The following ZSWIM5 variants were observed in gnomAD, a reference collection of about 807,000 sequenced individuals.
The protein encoded by ZSWIM5 is zinc finger SWIM domain-containing protein 5.
Under a neutral mutation model 119.6 loss-of-function variants are expected in ZSWIM5, and 55 were observed. That is an observed-to-expected ratio of 0.46 (90% CI 0.37 to 0.58). The LOEUF (loss-of-function observed/expected upper bound fraction) is 0.58. Among genes scored for constraint, ZSWIM5 ranks in the 20% least tolerant of loss-of-function variants. ZSWIM5 has a pLI of 0.00. For synonymous variants in ZSWIM5, 537 were observed against 606.9 expected, an observed-to-expected ratio of 0.88 and a Z score of 1.69; for missense variants, 1,193 against 1,512.8, an observed-to-expected ratio of 0.79 and a Z score of 3.51.
chr1:45,150,412 G>A (rs1254669827), intron 1 of ZSWIM5, among the ~76,000 whole-genome samples: 1 of 152,096 alleles, frequency 6.6e-6, no homozygotes, highest in African/African-American at 2.4e-5. Context: ...AATGGTGCAG[G>A]TGCTGTGGAA....
At chr1:45,202,008 G>A (rs1465808937) in intron 1 of ZSWIM5, among the ~76,000 whole-genome samples, 1 of 151,910 alleles carries the variant, frequency 6.6e-6, no homozygotes, top group African/African-American at 2.4e-5. Flanking sequence ...GATGTGTTAG[G>A]GTGGAGGGAG....
intron 1 of ZSWIM5, among the ~76,000 whole-genome samples, chr1:45,182,722 A>T (rs1204343423): frequency 6.6e-6 from 1 of 152,018 alleles, no homozygotes; most frequent in African/African-American, 2.4e-5. Context: ...ATATGCACCC[A>T]ATACAGGAGC....
At chr1:45,157,421 C>G (rs746599823) in intron 1 of ZSWIM5, among the ~76,000 whole-genome samples, 1 of 152,120 alleles carries the variant, frequency 6.6e-6, no homozygotes, top group Non-Finnish European at 1.5e-5. Context: ...GTGATCCTCC[C>G]ACCTTGGCCT....
chr1:45,168,813 C>G (rs959325603), intron 1 of ZSWIM5, among the ~76,000 whole-genome samples: 2 of 151,790 alleles, frequency 1.3e-5, no homozygotes, highest in Non-Finnish European at 2.9e-5. Flanking sequence ...TGTGGCAACA[C>G]TGGGCCCAAA....
At chr1:45,132,346 T>G (rs529700582) in intron 1 of ZSWIM5, among the ~76,000 whole-genome samples, 13 of 152,232 alleles carry the variant, frequency 8.5e-5, no homozygotes, top group African/African-American at 3.1e-4. Flanking sequence ...CTATTTTATC[T>G]CTGAAGTCCC....
intron 1 of ZSWIM5, among the ~76,000 whole-genome samples, chr1:45,145,641 T>C (rs1645755618): frequency 6.6e-6 from 1 of 152,042 alleles, no homozygotes; most frequent in Non-Finnish European, 1.5e-5. Context: ...GGAGAACAGA[T>C]CAGTGGCTGC....
intron 1 of ZSWIM5, among the ~76,000 whole-genome samples, chr1:45,124,118 C>T (rs557699735): frequency 2.6e-5 from 4 of 151,870 alleles, no homozygotes; most frequent in African/African-American, 7.2e-5. Flanking sequence ...AGGAAGTTTC[C>T]CAAACAGAGG....
intron 1 of ZSWIM5, among the ~76,000 whole-genome samples, chr1:45,151,674 G>C (rs575574340): frequency 6.6e-6 from 1 of 152,060 alleles, no homozygotes; most frequent in Admixed American, 6.6e-5. Flanking sequence ...TGAAGGATAA[G>C]CAGGAATTAG....
chr1:45,178,979 A>G (rs982176522), intron 1 of ZSWIM5, among the ~76,000 whole-genome samples: 3 of 152,150 alleles, frequency 2.0e-5, no homozygotes, highest in African/African-American at 7.2e-5. Context: ...CAAGATCAAC[A>G]TACAAAAATC....
intron 2 of ZSWIM5, among the ~76,000 whole-genome samples, chr1:45,069,219 G>A (rs1645205334): frequency 1.3e-5 from 2 of 152,060 alleles, no homozygotes; most frequent in Non-Finnish European, 1.5e-5. Context: ...AAGGTCAGCA[G>A]ATCGAGACCA....
intron 1 of ZSWIM5, among the ~76,000 whole-genome samples, chr1:45,126,698 T>G (rs1021821422): frequency 6.6e-6 from 1 of 151,662 alleles, no homozygotes; most frequent in Non-Finnish European, 1.5e-5. Flanking sequence ...AGCTCAGGAG[T>G]TCAACACCTA....
chr1:45,024,439 G>A (rs1037016155), intron 11 of ZSWIM5, among the ~76,000 whole-genome samples: 7 of 151,760 alleles, frequency 4.6e-5, no homozygotes, highest in Non-Finnish European at 8.8e-5. Flanking sequence ...TGATCCACCT[G>A]CCTCGACCTC....
intron 1 of ZSWIM5, among the ~76,000 whole-genome samples, chr1:45,166,315 T>A (rs892700042): frequency 1.3e-5 from 2 of 152,092 alleles, no homozygotes; most frequent in African/African-American, 4.8e-5. Context: ...ATGGGATGTA[T>A]CTCAAAATAA....
chr1:45,019,146 G>A lies in ZSWIM5; in HGVS notation c.2866C>T (p.Gln956Ter), dbSNP rs1397702537. The change falls in exon 14 of 14, where the codon CAG (glutamine) becomes TAG (stop). Residue 956 changes from glutamine to a stop codon, truncating the protein, a stop_gained. Transcript: ENST00000359600. LOFTEE classifies it high-confidence loss of function. This position sits in a 1 kb window ranked among gnomAD's most constrained non-coding sequence, Gnocchi z 5.0. The stretch of plus-strand genomic sequence containing the variant: ...CTCTGTGGATCCTTCATAGCACACT[G>A]TAGAGCCAGTGTGCGAGCACAGCTA... Reference protein sequence around the residue: ...LASCARTLALQCAMKDPQSCA... With the variant: ...LASCARTLAL 2.5e-6 allele frequency: 4 copies of A among 1,614,028 alleles called. No homozygotes were observed. Among genetic ancestry groups the A allele is most frequent in the East Asian group, 2.2e-5 (1 of 44,882 alleles).
intron 2 of ZSWIM5, among the ~76,000 whole-genome samples, chr1:45,082,760 A>C (rs1479979649): frequency 6.6e-6 from 1 of 152,212 alleles, no homozygotes; most frequent in Admixed American, 6.5e-5. Context: ...GTGGCAGCCT[A>C]ATTTCAGACA....
At chr1:45,107,102 G>A (rs1025600387) in intron 1 of ZSWIM5, among the ~76,000 whole-genome samples, 1 of 152,134 alleles carries the variant, frequency 6.6e-6, no homozygotes, top group African/African-American at 2.4e-5. Context: ...CTCTGCCTAG[G>A]AAAACCAGAG....
At chr1:45,184,575 A>T (rs1407074884) in intron 1 of ZSWIM5, among the ~76,000 whole-genome samples, 1 of 152,196 alleles carries the variant, frequency 6.6e-6, no homozygotes, top group Non-Finnish European at 1.5e-5. Flanking sequence ...ATCAATGTAC[A>T]AAAATCACAA....
At position 45,017,334 on chromosome 1, in the gene ZSWIM5, C is replaced by T. The variant is rs1644860130; in HGVS notation, c.*1120G>A. On this transcript the variant is annotated 3_prime_UTR_variant, in exon 14 of 14. Coordinates refer to ENST00000359600, the MANE Select transcript of ZSWIM5 (RefSeq NM_020883.2). Reference sequence around the variant, plus strand: ...ACATGGATACAAACATGTTTATACACATGCACTCGTGTACGCAGATACACA... The same window carrying T: ...ACATGGATACAAACATGTTTATACATATGCACTCGTGTACGCAGATACACA... 1 of 152,316 alleles carries T rather than the reference C, an allele frequency of 6.6e-6. No homozygotes were observed. The highest frequency in any genetic ancestry group is 2.1e-4 in the South Asian group (1 of 4,830). 9.4% of individuals were successfully genotyped at this position (152,316 alleles called of 1,614,324 possible). A position where few individuals can be genotyped will look rare whatever the true frequency, so the allele number is the denominator to read the frequency against.
intron 1 of ZSWIM5, among the ~76,000 whole-genome samples, chr1:45,192,309 A>C (rs1646097599): frequency 6.6e-6 from 1 of 152,184 alleles, no homozygotes; most frequent in Non-Finnish European, 1.5e-5. Flanking sequence ...AGCCCCTGAC[A>C]ACCTCTATTC....
Sources: gnomAD v4.1 joint callset for allele counts (sites outside exome capture counted in the v4.1 genomes callset) on GRCh38, gnomAD v4.1.1 for gene constraint, Gnocchi (gnomAD v3.1) non-coding constraint, MANE v1.5 for transcripts, NCBI Gene and HGNC (gene_info 2026-07-23, HGNC 2026-07-21) for gene names.